Variants in STXBP6 observed in about 807,000 individuals in gnomAD.
STXBP6 encodes syntaxin binding protein 6, also known as syntaxin-binding protein 6.
In STXBP6, 21 loss-of-function variants were observed where a neutral mutation model predicts 26.9. The ratio of observed to expected loss-of-function variants is 0.78; its 90% confidence interval spans 0.55 to 1.12. STXBP6 has a LOEUF of 1.12. STXBP6 is among the 50% of genes most tolerant of loss of function. The pLI is 0.00. For missense variants in STXBP6, 232 were observed against 257.9 expected, an observed-to-expected ratio of 0.90 and a Z score of 0.69; for synonymous variants, 97 against 92.6, an observed-to-expected ratio of 1.05 and a Z score of -0.27.
chr14:24,841,096 T>C (rs897445876), intron 4 of STXBP6, among the ~76,000 whole-genome samples: 10 of 152,234 alleles, frequency 6.6e-5, no homozygotes, highest in Admixed American at 1.3e-4. Context: ...TTGGGTTCAG[T>C]GTGCTTCATG....
At chr14:24,911,221 C>A (rs1462787604) in intron 2 of STXBP6, among the ~76,000 whole-genome samples, 1 of 151,902 alleles carries the variant, frequency 6.6e-6, no homozygotes, top group Non-Finnish European at 1.5e-5. Flanking sequence ...CCCATGGTCC[C>A]AGCTACTCAG....
chr14:24,846,794 C>T (rs982163703), intron 4 of STXBP6, among the ~76,000 whole-genome samples: 2 of 152,130 alleles, frequency 1.3e-5, no homozygotes, highest in Admixed American at 1.3e-4. Context: ...ATTTTTAAAT[C>T]AATGTCCAAT....
intron 2 of STXBP6, among the ~76,000 whole-genome samples, chr14:24,934,509 C>T (rs767391939): frequency 1.2e-4 from 18 of 152,168 alleles, no homozygotes; most frequent in Non-Finnish European, 2.4e-4. Flanking sequence ...GCACTCTCAT[C>T]ACCTCTTGAA....
At chr14:24,968,747 G>GA (rs1202590066) in intron 2 of STXBP6, among the ~76,000 whole-genome samples, 1 of 151,990 alleles carries the variant, frequency 6.6e-6, no homozygotes, top group African/African-American at 2.4e-5. Flanking sequence ...CTAAAGCCCA[G>GA]AAAAATCAGA....
At position 24,811,414 on chromosome 14, in the gene STXBP6, T is replaced by A. The variant is rs1251258345; in HGVS notation, c.*1295A>T. On this transcript the variant is annotated 3_prime_UTR_variant, in exon 6 of 6. Transcript: ENST00000323944. ...GTAGGCTTACAATGTGTCTGAGATG[T>A]GCAGCTTGTCTCCTAGTTTCACAAA... 1 of 152,178 alleles carries A rather than the reference T, an allele frequency of 6.6e-6. No homozygotes were observed. Among genetic ancestry groups the A allele is most frequent in the Non-Finnish European group, 1.5e-5 (1 of 68,024 alleles). The allele number at this position is 152,178 out of a possible 1,614,324, so 9.4% of individuals were successfully genotyped here.
At chr14:24,987,977 T>C (rs964388258) in intron 1 of STXBP6, 3 of 738,794 alleles carry the variant, frequency 4.1e-6, no homozygotes, top group East Asian at 2.6e-4. Context: ...TACATTCTAG[T>C]GGGGAAGAAG....
At chr14:25,030,508 T>A (rs750388555) in intron 1 of STXBP6, among the ~76,000 whole-genome samples, 1 of 152,156 alleles carries the variant, frequency 6.6e-6, no homozygotes, top group Admixed American at 6.5e-5. Flanking sequence ...AAGACACTAT[T>A]CCCTCAAGGG....
At chr14:25,012,309 TA>T (rs1473961260) in intron 1 of STXBP6, among the ~76,000 whole-genome samples, 1 of 152,182 alleles carries the variant, frequency 6.6e-6, no homozygotes, top group Non-Finnish European at 1.5e-5. Context: ...GAGCTTACCT[TA>T]AAAAATTCTA....
chr14:25,046,058 G>C (rs1387746270), intron 1 of STXBP6, among the ~76,000 whole-genome samples: 1 of 152,178 alleles, frequency 6.6e-6, no homozygotes, highest in Non-Finnish European at 1.5e-5. Context: ...AATGGGCCCT[G>C]ACTCTCTGTG....
chr14:25,017,601 C>A (rs1442193185), intron 1 of STXBP6, among the ~76,000 whole-genome samples: 1 of 152,220 alleles, frequency 6.6e-6, no homozygotes, highest in Non-Finnish European at 1.5e-5. Flanking sequence ...TCCAGGGGAA[C>A]CTACAAGTTG....
At chr14:25,024,921 A>T (rs987101576) in intron 1 of STXBP6, among the ~76,000 whole-genome samples, 1 of 152,184 alleles carries the variant, frequency 6.6e-6, no homozygotes, top group Non-Finnish European at 1.5e-5. Context: ...ATGTCCATTT[A>T]ATGATTTTTT....
At chr14:24,893,538 C>T (rs1162841152) in intron 2 of STXBP6, among the ~76,000 whole-genome samples, 1 of 152,040 alleles carries the variant, frequency 6.6e-6, no homozygotes, top group Non-Finnish European at 1.5e-5. Context: ...AGGTAACAGG[C>T]AATATATATA....
intron 2 of STXBP6, among the ~76,000 whole-genome samples, chr14:24,922,052 C>T (rs958161688): frequency 6.6e-6 from 1 of 152,034 alleles, no homozygotes. Flanking sequence ...CTGTCATCTT[C>T]CAGTCATTTA....
intron 1 of STXBP6, chr14:24,994,820 G>T (rs1399837323): frequency 6.6e-6 from 1 of 152,036 alleles, no homozygotes; most frequent in East Asian, 1.9e-4. Flanking sequence ...ACCATCCTGA[G>T]CAACAGAGTA....
At chr14:25,031,374 T>A (rs1177222370) in intron 1 of STXBP6, among the ~76,000 whole-genome samples, 2 of 152,180 alleles carry the variant, frequency 1.3e-5, no homozygotes, top group African/African-American at 4.8e-5. Context: ...TTGTACTGCC[T>A]CAGTTTTCTC....
intron 2 of STXBP6, among the ~76,000 whole-genome samples, chr14:24,860,509 C>CT (rs2069497069): frequency 6.6e-6 from 1 of 152,082 alleles, no homozygotes; most frequent in Non-Finnish European, 1.5e-5. Flanking sequence ...ACTGTTACAC[C>CT]TACACTCTCA....
At chr14:24,984,976 G>C (rs1017560222) in intron 1 of STXBP6, among the ~76,000 whole-genome samples, 2 of 152,190 alleles carry the variant, frequency 1.3e-5, no homozygotes, top group Non-Finnish European at 1.5e-5. Context: ...TGCATTCTAG[G>C]TAAAACAGGA....
intron 4 of STXBP6, among the ~76,000 whole-genome samples, chr14:24,835,431 A>C (rs186353479): frequency 3.2e-4 from 48 of 152,314 alleles, no homozygotes; most frequent in African/African-American, 1.0e-3. Context: ...ACTTTTGAAA[A>C]TGTTTATTTA....
intron 2 of STXBP6, among the ~76,000 whole-genome samples, chr14:24,924,816 G>A (rs1365202702): frequency 6.6e-6 from 1 of 152,164 alleles, no homozygotes; most frequent in Non-Finnish European, 1.5e-5. Context: ...CAAGTGACAA[G>A]CTAGAGGTAC....
Sources: allele counts gnomAD v4.1 joint callset (sites outside exome capture counted in the v4.1 genomes callset), GRCh38; gene constraint gnomAD v4.1.1; transcripts MANE v1.5; gene names NCBI Gene and HGNC (gene_info 2026-07-23, HGNC 2026-07-21).